MYO16: variants seen among roughly 807,000 people sequenced by gnomAD.
MYO16 encodes the protein myosin XVI, also known as unconventional myosin-XVI.
A neutral mutation model predicts 205.3 loss-of-function variants in MYO16; 94 were observed. The observed-to-expected ratio is 0.46, with a 90% confidence interval of 0.39 to 0.54. The LOEUF (loss-of-function observed/expected upper bound fraction) is 0.54, where lower values mean the gene tolerates loss of function less well. Among genes scored for constraint, MYO16 ranks in the 20% least tolerant of loss-of-function variants. MYO16 has a pLI of 0.00. For missense variants in MYO16, 2,315 were observed against 2,387.5 expected (o/e 0.97, Z 0.63); for synonymous variants, 988 against 954.0 (o/e 1.04, Z -0.66).
At chr13:109,122,142 A>T (rs1206558123) in intron 29 of MYO16, among the ~76,000 whole-genome samples, 2 of 152,206 alleles carry the variant, frequency 1.3e-5, no homozygotes, top group Non-Finnish European at 2.9e-5. Context: ...CCAGAGCTTT[A>T]TCTGCAGCCT....
the MYO16 span, among the ~76,000 whole-genome samples, chr13:108,536,123 A>G: frequency 6.6e-6 from 1 of 152,172 alleles, no homozygotes; most frequent in Non-Finnish European, 1.5e-5. Flanking sequence ...AATCAATGCC[A>G]TTGGAATATA....
intron 15 of MYO16, among the ~76,000 whole-genome samples, chr13:108,907,877 A>G (rs1360809172): frequency 6.6e-6 from 1 of 152,188 alleles, no homozygotes; most frequent in African/African-American, 2.4e-5. Flanking sequence ...TTCTCCAAGA[A>G]CAAGATGACT....
chr13:109,073,186 C>T (rs1382207041), intron 27 of MYO16, among the ~76,000 whole-genome samples: 15 of 151,368 alleles, frequency 9.9e-5, no homozygotes, highest in Non-Finnish European at 2.1e-4. Flanking sequence ...ACTGGAACCT[C>T]CTCCTCCTGG....
At chr13:108,786,370 A>T (rs1013959612) in intron 5 of MYO16, among the ~76,000 whole-genome samples, 1 of 152,190 alleles carries the variant, frequency 6.6e-6, no homozygotes, top group African/African-American at 2.4e-5. Flanking sequence ...GGAAAGTGGG[A>T]GGTATGAGAA....
intron 29 of MYO16, among the ~76,000 whole-genome samples, chr13:109,124,178 G>A (rs1876128221): frequency 6.6e-6 from 1 of 152,182 alleles, no homozygotes. Context: ...TTGTTAGAAA[G>A]TTCTTTCTAA....
intron 1 of MYO16, among the ~76,000 whole-genome samples, chr13:108,623,186 C>A (rs541432140): frequency 4.6e-5 from 7 of 152,232 alleles, no homozygotes; most frequent in African/African-American, 1.7e-4. Flanking sequence ...TCTGACAGCC[C>A]AAACTGTGCA....
chr13:109,008,103 T>G (rs1171459769), intron 21 of MYO16, among the ~76,000 whole-genome samples: 4 of 152,240 alleles, frequency 2.6e-5, no homozygotes, highest in Non-Finnish European at 4.4e-5. Context: ...TTAGATGATA[T>G]GGTATCAGAT....
intron 31 of MYO16, among the ~76,000 whole-genome samples, chr13:109,134,801 GT>G (rs1876694644): frequency 6.6e-6 from 1 of 152,148 alleles, no homozygotes; most frequent in African/African-American, 2.4e-5. Flanking sequence ...ACCAAACCAG[GT>G]TTAGGAAAGG....
chr13:109,100,984 A>G, intron 28 of MYO16, 97 bp downstream of exon 28: 2 of 1,061,848 alleles, frequency 1.9e-6, no homozygotes. Flanking sequence ...TGGCAAAAAC[A>G]AATTCCTTTG....
chr13:108,793,517 A>G lies in MYO16; in HGVS notation c.618A>G (p.Gly206=). 1 of 1,613,502 alleles carries G rather than the reference A, an allele frequency of 6.2e-7. No individual in the cohort carries two copies. The highest frequency in any genetic ancestry group is 8.5e-7 in the Non-Finnish European group (1 of 1,179,654). The change falls in exon 6 of 35, where the codon GGA becomes GGG. Residue 206 remains glycine, a splice_region_variant and synonymous_variant. Transcript: ENST00000457511. The part of the protein sequence containing the change: ...SILLTYLDEN[G]VDLTSLRQMK... ...TTGAAAGGCTCTTTCTCCCCACAGG[A>G]GTGGATTTGACCTCACTGCGCCAGA...
At chr13:108,992,299 T>G in intron 20 of MYO16, 77 bp from the exon 21 acceptor site, 3 of 1,037,128 alleles carry the variant, frequency 2.9e-6, no homozygotes, top group Non-Finnish European at 4.3e-6. Flanking sequence ...TGGATTCTTC[T>G]GACCTGAATA....
At chr13:108,554,848 TAAAAAAAA>T in the MYO16 span, among the ~76,000 whole-genome samples, 6,997 of 78,294 alleles carry the variant, frequency 0.089, 559 homozygotes, top group African/African-American at 0.27. Context: ...AGACTCTGAC[TAAAAAAAA>T]AAAAAAAAAA....
At chr13:108,869,679 C>A (rs565847308) in intron 12 of MYO16, among the ~76,000 whole-genome samples, 1 of 132,232 alleles carries the variant, frequency 7.6e-6, no homozygotes, top group African/African-American at 2.9e-5. Context: ...TGCAGTGAGC[C>A]GAGATCGTGC....
At chr13:108,795,451 G>A (rs570637251) in intron 6 of MYO16, among the ~76,000 whole-genome samples, 28 of 152,106 alleles carry the variant, frequency 1.8e-4, no homozygotes, top group African/African-American at 2.6e-4. Context: ...CTCGTGATCC[G>A]CCCGCCTTGG....
intron 28 of MYO16, among the ~76,000 whole-genome samples, chr13:109,107,500 G>A (rs760531823): frequency 4.6e-5 from 7 of 152,046 alleles, no homozygotes; most frequent in Non-Finnish European, 1.0e-4. Flanking sequence ...TAAAATAGAA[G>A]AGCAAGGAAC....
chr13:108,687,886 T>G (rs750622045), intron 2 of MYO16, among the ~76,000 whole-genome samples: 8 of 152,146 alleles, frequency 5.3e-5, no homozygotes, highest in Non-Finnish European at 1.2e-4. Context: ...CATCTAGCTA[T>G]AGAAAGGAGA....
intron 33 of MYO16, among the ~76,000 whole-genome samples, chr13:109,171,929 A>G (rs1490679739): frequency 1.3e-5 from 2 of 152,220 alleles, no homozygotes; most frequent in African/African-American, 2.4e-5. Flanking sequence ...TCAATGCACA[A>G]TAAGGGTTAT....
intron 1 of MYO16, among the ~76,000 whole-genome samples, chr13:108,646,047 G>C (rs1453187956): frequency 6.6e-6 from 1 of 152,184 alleles, no homozygotes; most frequent in African/African-American, 2.4e-5. Context: ...CAGGCTGACT[G>C]TAGGTGACCC....
At chr13:108,536,376 G>A in the MYO16 span, among the ~76,000 whole-genome samples, 1 of 147,136 alleles carries the variant, frequency 6.8e-6, no homozygotes, top group African/African-American at 2.5e-5. Context: ...GAGGGGACAA[G>A]TTGAAAATAA....
Sources: allele counts gnomAD v4.1 joint callset (sites outside exome capture counted in the v4.1 genomes callset), GRCh38; gene constraint gnomAD v4.1.1; transcripts MANE v1.5; gene names NCBI Gene and HGNC (gene_info 2026-07-23, HGNC 2026-07-21).